FRMD3: variants seen among roughly 807,000 people sequenced by gnomAD.
The protein encoded by FRMD3 is FERM domain-containing protein 3.
Under a neutral mutation model 70.2 loss-of-function variants are expected in FRMD3, and 33 were observed. The ratio of observed to expected loss-of-function variants is 0.47; its 90% CI spans 0.36 to 0.63. The LOEUF is 0.63. FRMD3 is among the 20% of genes least tolerant of loss of function. FRMD3 has a pLI of 0.00. For missense variants in FRMD3, 632 were observed against 711.4 expected (o/e 0.89, Z 1.27); for synonymous variants, 279 against 255.9 (o/e 1.09, Z -0.86).
At chr9:83,319,882 G>A (rs1470564200) in intron 6 of FRMD3, among the ~76,000 whole-genome samples, 1 of 152,178 alleles carries the variant, frequency 6.6e-6, no homozygotes, top group African/African-American at 2.4e-5. Context: ...AAGCCATGTA[G>A]AACTGTAAAT....
chr9:83,350,522 C>A (rs1373962673), intron 3 of FRMD3, among the ~76,000 whole-genome samples: 1 of 148,686 alleles, frequency 6.7e-6, no homozygotes, highest in African/African-American at 2.5e-5. Flanking sequence ...ACTCAGGAGG[C>A]TGAGGCAGGA....
intron 10 of FRMD3, among the ~76,000 whole-genome samples, chr9:83,309,144 T>A (rs1228668408): frequency 6.6e-6 from 1 of 152,036 alleles, no homozygotes; most frequent in Non-Finnish European, 1.5e-5. Context: ...ATTGATTACA[T>A]CCCAAATAAG....
At chr9:83,380,267 A>C (rs1354455787) in intron 2 of FRMD3, among the ~76,000 whole-genome samples, 1 of 152,214 alleles carries the variant, frequency 6.6e-6, no homozygotes, top group Non-Finnish European at 1.5e-5. Flanking sequence ...ATTTTGGTTG[A>C]GAGCAGTTTC....
At chr9:83,559,893 TC>T in the FRMD3 span, among the ~76,000 whole-genome samples, 1 of 152,036 alleles carries the variant, frequency 6.6e-6, no homozygotes, top group Admixed American at 6.6e-5. Flanking sequence ...AATATTTATT[TC>T]CTAATATCTT....
At chr9:83,287,931 C>G (rs923153438) in intron 13 of FRMD3, among the ~76,000 whole-genome samples, 1 of 152,232 alleles carries the variant, frequency 6.6e-6, no homozygotes, top group Non-Finnish European at 1.5e-5. Context: ...TTATAGTCCA[C>G]AGGAACTTGG....
Position 83,370,091 on chromosome 9 carries a change from A to G in FRMD3, c.295+2822T>C, listed in dbSNP as rs532780968. Reference sequence around the variant, plus strand: ...GTCAGAGAGAAGAACCTGAAGGCCTATCATCCTCTGTGAGTAAGAAACAGT... The same window carrying G: ...GTCAGAGAGAAGAACCTGAAGGCCTGTCATCCTCTGTGAGTAAGAAACAGT... On this transcript the variant is annotated intron_variant, in intron 3 of 13. Transcript: ENST00000304195. Among the ~76,000 whole-genome samples the G allele has an allele frequency of 1.2e-4, 18 of 152,318 alleles. 1 individual carries two copies. In the South Asian group the frequency reaches 3.5e-3, roughly 30 times the overall value.
At chr9:83,412,197 A>G (rs531703823) in intron 1 of FRMD3, among the ~76,000 whole-genome samples, 169 of 152,308 alleles carry the variant, frequency 1.1e-3, no homozygotes, top group African/African-American at 3.9e-3. Context: ...AATTTCTGCT[A>G]TTCATACGTG....
At chr9:83,322,649 C>T (rs1835845654) in intron 6 of FRMD3, among the ~76,000 whole-genome samples, 1 of 152,140 alleles carries the variant, frequency 6.6e-6, no homozygotes, top group Non-Finnish European at 1.5e-5. Context: ...GGCAGTTCCA[C>T]ATGTCAGGCC....
chr9:83,498,985 T>C (rs1829004927), intron 1 of FRMD3, among the ~76,000 whole-genome samples: 1 of 152,170 alleles, frequency 6.6e-6, no homozygotes. Flanking sequence ...AAAATGAGTA[T>C]GTTACCTCTA....
At chr9:83,465,708 C>T (rs1587881119) in intron 1 of FRMD3, among the ~76,000 whole-genome samples, 1 of 152,060 alleles carries the variant, frequency 6.6e-6, no homozygotes, top group East Asian at 1.9e-4. Context: ...CATGCTATAC[C>T]CTGCCAGCCA....
chr9:83,448,995 A>G (rs1317250739), intron 1 of FRMD3, among the ~76,000 whole-genome samples: 2 of 152,190 alleles, frequency 1.3e-5, no homozygotes, highest in South Asian at 2.1e-4. Flanking sequence ...TGTATGAAAC[A>G]TGCTGTGTTT....
intron 6 of FRMD3, among the ~76,000 whole-genome samples, chr9:83,331,537 C>G (rs1182456547): frequency 1.3e-5 from 2 of 152,144 alleles, no homozygotes; most frequent in Non-Finnish European, 2.9e-5. Context: ...ATACATTCAT[C>G]AAACCCATAG....
intron 3 of FRMD3, among the ~76,000 whole-genome samples, chr9:83,352,960 A>G (rs1011272526): frequency 5.9e-5 from 9 of 152,198 alleles, no homozygotes; most frequent in Non-Finnish European, 1.0e-4. Context: ...AGAAGAAATC[A>G]ATACAAGGTG....
At chr9:83,544,387 G>A in the FRMD3 span, among the ~76,000 whole-genome samples, 4 of 152,240 alleles carry the variant, frequency 2.6e-5, no homozygotes, top group South Asian at 8.3e-4. Flanking sequence ...GGTTATCCAA[G>A]AACAAGCCTG....
At chr9:83,509,474 T>C (rs1829286388) in intron 1 of FRMD3, among the ~76,000 whole-genome samples, 2 of 152,190 alleles carry the variant, frequency 1.3e-5, no homozygotes, top group Admixed American at 6.5e-5. Flanking sequence ...ATTAGGTTTG[T>C]CTACTTTAAG....
intron 1 of FRMD3, among the ~76,000 whole-genome samples, chr9:83,466,100 A>G (rs1828119533): frequency 6.6e-6 from 1 of 152,200 alleles, no homozygotes; most frequent in Admixed American, 6.5e-5. Context: ...CATCCAGTCC[A>G]AGGGGAGAAC....
chr9:83,439,231 T>C (rs1827228856), intron 1 of FRMD3, among the ~76,000 whole-genome samples: 1 of 152,248 alleles, frequency 6.6e-6, no homozygotes. Context: ...CATAAATGGA[T>C]AGGGTCCATA....
intron 1 of FRMD3, among the ~76,000 whole-genome samples, chr9:83,471,255 C>G (rs1334648515): frequency 6.6e-6 from 1 of 152,180 alleles, no homozygotes; most frequent in Non-Finnish European, 1.5e-5. Flanking sequence ...AAAGATGAAG[C>G]AGGAAAAAGA....
chr9:83,246,527 T>C lies in FRMD3; in HGVS notation c.*1391A>G. 3 of 985,238 alleles carry C rather than the reference T, an allele frequency of 3.0e-6. No individual in the cohort carries two copies. Among genetic ancestry groups the C allele is most frequent in the Non-Finnish European group, 3.6e-6 (3 of 829,906 alleles). The allele number at this position is 985,238 out of a possible 1,614,324, so 61.0% of individuals were successfully genotyped here. On this transcript the variant is annotated 3_prime_UTR_variant, in exon 14 of 14. Coordinates refer to ENST00000304195, the MANE Select transcript of FRMD3 (RefSeq NM_174938.6). Reference sequence around the variant, plus strand: ...CAGGCTGAACTGGTATGTCATCTCATGAGGCCTCTCCAGTTTCTCTATGGA... The same window carrying C: ...CAGGCTGAACTGGTATGTCATCTCACGAGGCCTCTCCAGTTTCTCTATGGA...
Sources: gnomAD v4.1 joint callset for allele counts (sites outside exome capture counted in the v4.1 genomes callset) on GRCh38, gnomAD v4.1.1 for gene constraint, MANE v1.5 for transcripts, NCBI Gene and HGNC (gene_info 2026-07-23, HGNC 2026-07-21) for gene names.